The following SNTG1 variants were observed in gnomAD, a reference collection of about 807,000 sequenced individuals.
SNTG1 encodes the protein syntrophin gamma 1.
In SNTG1, 39 loss-of-function variants were observed where a neutral mutation model predicts 74.7. The observed-to-expected ratio is 0.52, with a 90% CI of 0.40 to 0.68. The LOEUF is 0.68. Among genes scored for constraint, SNTG1 ranks in the 30% least tolerant of loss-of-function variants. The pLI is 0.00. For missense variants in SNTG1, 685 were observed against 609.5 expected, an observed-to-expected ratio of 1.12 and a Z score of -1.30; for synonymous variants, 254 against 217.1, an observed-to-expected ratio of 1.17 and a Z score of -1.49.
At chr8:50,168,552 T>C (rs984294052) in intron 1 of SNTG1, among the ~76,000 whole-genome samples, 9 of 152,150 alleles carry the variant, frequency 5.9e-5, no homozygotes, top group African/African-American at 2.2e-4. Flanking sequence ...TGTGTATACA[T>C]GTATATGCAT....
intron 1 of SNTG1, among the ~76,000 whole-genome samples, chr8:50,042,219 CTCTCTCTGGGATCTGT>C (rs1460273438): frequency 1.3e-5 from 2 of 152,142 alleles, no homozygotes; most frequent in African/African-American, 4.8e-5. Context: ...TTACCACCAT[CTCTCTCTGGGATCTGT>C]TCCCATCTCT....
intron 4 of SNTG1, among the ~76,000 whole-genome samples, chr8:50,422,063 G>A (rs1270005708): frequency 6.6e-6 from 1 of 152,092 alleles, no homozygotes; most frequent in African/African-American, 2.4e-5. Context: ...TCCTAGACCT[G>A]GAAACGGCAT....
intron 2 of SNTG1, among the ~76,000 whole-genome samples, chr8:50,251,969 C>CA (rs2086665893): frequency 1.3e-5 from 2 of 151,964 alleles, no homozygotes; most frequent in Non-Finnish European, 2.9e-5. Flanking sequence ...GGCCACAAAA[C>CA]AAGTCTAAAC....
chr8:49,933,990 T>C (rs1807820740), intron 1 of SNTG1, among the ~76,000 whole-genome samples: 3 of 152,212 alleles, frequency 2.0e-5, no homozygotes, highest in Admixed American at 6.5e-5. Context: ...CCAAGATGTT[T>C]CTTTCTTTCT....
chr8:50,741,314 G>A (rs550357671), intron 17 of SNTG1, among the ~76,000 whole-genome samples: 1 of 152,018 alleles, frequency 6.6e-6, no homozygotes, highest in South Asian at 2.1e-4. Context: ...GTAGAGATGG[G>A]GTTTCGCCAT....
In SNTG1 at chr8:50,780,216, T is replaced by A. The variant is rs370640757; in HGVS notation, c.1396-12455T>A. 6.2e-4 allele frequency among the ~76,000 whole-genome samples: 95 copies of A among 152,294 alleles called. 2 individuals carry two copies. Among genetic ancestry groups the A allele is most frequent in the Middle Eastern group, 3.4e-3 (1 of 294 alleles). On this transcript the variant is annotated intron_variant, in intron 18 of 18. Transcript: ENST00000642720. ...TTGGTATCAGGATGATGCTGGCCTCTTAAAATGAGTTAGGGAGGATTCCCT... is the reference window on the plus strand; with the variant it reads ...TTGGTATCAGGATGATGCTGGCCTCATAAAATGAGTTAGGGAGGATTCCCT...
intron 4 of SNTG1, among the ~76,000 whole-genome samples, chr8:50,421,263 G>C (rs2093083033): frequency 6.6e-6 from 1 of 152,080 alleles, no homozygotes; most frequent in South Asian, 2.1e-4. Context: ...TAAAAGAATG[G>C]TTACTTCATA....
chr8:50,206,643 C>A (rs1420085370), intron 2 of SNTG1, among the ~76,000 whole-genome samples: 1 of 152,114 alleles, frequency 6.6e-6, no homozygotes, highest in Non-Finnish European at 1.5e-5. Flanking sequence ...CTGTCTTGTG[C>A]CAGTTTTCAA....
chr8:50,646,891 T>G (rs1450584397), intron 13 of SNTG1, among the ~76,000 whole-genome samples: 1 of 151,832 alleles, frequency 6.6e-6, no homozygotes, highest in Non-Finnish European at 1.5e-5. Context: ...TGAAACAGAA[T>G]GGAAAGCCAA....
intron 3 of SNTG1, among the ~76,000 whole-genome samples, chr8:50,394,864 C>G (rs928483280): frequency 1.0e-5 from 1 of 98,842 alleles, no homozygotes; most frequent in African/African-American, 3.8e-5. Context: ...TTTTTTTTTA[C>G]TAAATATGTA....
chr8:50,078,852 G>A (rs2131061108), intron 1 of SNTG1, among the ~76,000 whole-genome samples: 1 of 152,222 alleles, frequency 6.6e-6, no homozygotes, highest in South Asian at 2.1e-4. Context: ...TAAGGATGAT[G>A]GTTTCCAGCT....
At chr8:50,179,960 T>C (rs769975256) in intron 2 of SNTG1, among the ~76,000 whole-genome samples, 5 of 152,226 alleles carry the variant, frequency 3.3e-5, no homozygotes, top group African/African-American at 1.2e-4. Context: ...AATCAGCATC[T>C]GGTAGAAATA....
rs150515445 is a variant in SNTG1 at position 50,292,944 on chromosome 8, G to A, written c.-27-101268G>A. Among the ~76,000 whole-genome samples, 312 of 152,234 alleles carry A rather than the reference G, an allele frequency of 2.0e-3. 2 individuals are homozygous for A. The highest frequency in any genetic ancestry group is 7.1e-3 in the African/African-American group (294 of 41,574). On this transcript the variant is annotated intron_variant, in intron 2 of 18. Transcript: ENST00000642720. ...AGGAGACCCTAGCAGAGGAGGTGGA[G>A]AAGGAGGATCCAAGGACCTGAGGGA...
At chr8:50,710,076 T>C (rs2095457399) in intron 17 of SNTG1, among the ~76,000 whole-genome samples, 1 of 152,190 alleles carries the variant, frequency 6.6e-6, no homozygotes, top group Non-Finnish European at 1.5e-5. Flanking sequence ...TGCCGCCCTG[T>C]GTTCATTCAC....
intron 1 of SNTG1, among the ~76,000 whole-genome samples, chr8:50,124,632 T>A (rs991996530): frequency 1.4e-5 from 2 of 142,204 alleles, no homozygotes; most frequent in Non-Finnish European, 3.1e-5. Flanking sequence ...TTTAATCCTC[T>A]GCTTATAAAT....
At chr8:50,544,753 A>G (rs1232352401) in intron 11 of SNTG1, among the ~76,000 whole-genome samples, 1 of 152,098 alleles carries the variant, frequency 6.6e-6, no homozygotes, top group Non-Finnish European at 1.5e-5. Context: ...TTCACATTCA[A>G]GAGCTAATTT....
intron 2 of SNTG1, among the ~76,000 whole-genome samples, chr8:50,326,891 A>C (rs2090771541): frequency 6.6e-6 from 1 of 151,074 alleles, no homozygotes; most frequent in South Asian, 2.1e-4. Context: ...TGGCGTTTTT[A>C]TTTTTATTTA....
chr8:50,435,219 T>C (rs796902720), intron 4 of SNTG1, among the ~76,000 whole-genome samples: 3 of 152,242 alleles, frequency 2.0e-5, no homozygotes, highest in African/African-American at 7.2e-5. Context: ...ATCCTTTGCA[T>C]TTTTGTAACG....
intron 17 of SNTG1, among the ~76,000 whole-genome samples, chr8:50,718,397 A>G (rs2131583884): frequency 6.6e-6 from 1 of 152,322 alleles, no homozygotes; most frequent in African/African-American, 2.4e-5. Flanking sequence ...GTAACGCATA[A>G]TGACTATGCA....
Sources: gnomAD v4.1 joint callset for allele counts (sites outside exome capture counted in the v4.1 genomes callset) on GRCh38, gnomAD v4.1.1 for gene constraint, MANE v1.5 for transcripts, NCBI Gene and HGNC (gene_info 2026-07-23, HGNC 2026-07-21) for gene names.